ADAMTSL1: variants seen among roughly 807,000 people sequenced by gnomAD.
ADAMTSL1 encodes ADAMTS-like protein 1.
Under a neutral mutation model 201.8 loss-of-function variants are expected in ADAMTSL1, and 126 were observed. The observed-to-expected ratio is 0.62, with a 90% CI of 0.54 to 0.72. The LOEUF (loss-of-function observed/expected upper bound fraction) is 0.72. ADAMTSL1 is among the 30% of genes least tolerant of loss of function. ADAMTSL1 has a pLI of 0.00. For missense variants in ADAMTSL1, 2,679 were observed against 2,277.8 expected (o/e 1.18, Z -3.59); for synonymous variants, 1,121 against 903.4 (o/e 1.24, Z -4.32).
intron 1 of ADAMTSL1, among the ~76,000 whole-genome samples, chr9:17,951,849 A>G (rs1292134176): frequency 6.6e-6 from 1 of 151,932 alleles, no homozygotes; most frequent in Non-Finnish European, 1.5e-5. Context: ...ACAGGGTGTC[A>G]CTCTGTCACT....
intron 2 of ADAMTSL1, among the ~76,000 whole-genome samples, chr9:18,373,909 C>T (rs145940113): frequency 7.0e-4 from 107 of 152,296 alleles, no homozygotes; most frequent in Middle Eastern, 3.4e-3. Flanking sequence ...GTCCCCAGCT[C>T]CCCATAATCT....
At chr9:18,524,392 ACAATT>A (rs1818899761) in intron 2 of ADAMTSL1, among the ~76,000 whole-genome samples, 1 of 152,276 alleles carries the variant, frequency 6.6e-6, no homozygotes, top group Admixed American at 6.5e-5. Context: ...GCAAACAGGG[ACAATT>A]TGACTTCCTC....
chr9:18,029,723 A>C (rs1377858624), intron 1 of ADAMTSL1, among the ~76,000 whole-genome samples: 1 of 152,210 alleles, frequency 6.6e-6, no homozygotes, highest in Non-Finnish European at 1.5e-5. Flanking sequence ...CAACCCCATC[A>C]AAAAGTGGGT....
chr9:18,155,230 C>T (rs1354835763), intron 1 of ADAMTSL1, among the ~76,000 whole-genome samples: 1 of 151,934 alleles, frequency 6.6e-6, no homozygotes, highest in Non-Finnish European at 1.5e-5. Context: ...GTTAGATTGC[C>T]CAGGAAATGA....
intron 1 of ADAMTSL1, among the ~76,000 whole-genome samples, chr9:18,019,338 C>A (rs545828687): frequency 9.2e-5 from 14 of 151,952 alleles, no homozygotes; most frequent in Non-Finnish European, 2.9e-5. Flanking sequence ...CTATAAATAA[C>A]AAATGATACT....
At chr9:18,482,494 A>T (rs1563987121) in intron 1 of ADAMTSL1, among the ~76,000 whole-genome samples, 1 of 152,198 alleles carries the variant, frequency 6.6e-6, no homozygotes, top group African/African-American at 2.4e-5. Flanking sequence ...TCTCTAAGTC[A>T]ATTCAGTTTG....
chr9:18,822,256 A>C (rs1398456008), intron 21 of ADAMTSL1, among the ~76,000 whole-genome samples: 1 of 152,160 alleles, frequency 6.6e-6, no homozygotes, highest in African/African-American at 2.4e-5. Context: ...ACAGCAGGCT[A>C]GAAAAGATCA....
chr9:17,929,678 T>C (rs1042265995), intron 1 of ADAMTSL1, among the ~76,000 whole-genome samples: 2 of 152,168 alleles, frequency 1.3e-5, no homozygotes, highest in Non-Finnish European at 2.9e-5. Flanking sequence ...GAGGTCTCTT[T>C]CCTTTATTTT....
At chr9:18,826,097 C>T in intron 21 of ADAMTSL1, 187 bp from the exon 22 acceptor site, 1 of 656,438 alleles carries the variant, frequency 1.5e-6, no homozygotes, top group Non-Finnish European at 2.7e-6. Flanking sequence ...TCTTTGGTCA[C>T]CCTGAAGTCT....
intron 2 of ADAMTSL1, among the ~76,000 whole-genome samples, chr9:18,279,944 C>T (rs186305086): frequency 3.2e-4 from 49 of 151,768 alleles, no homozygotes; most frequent in Non-Finnish European, 5.9e-4. Flanking sequence ...GGTCCTCAAT[C>T]CACGTGCTTG....
chr9:17,991,397 T>C (rs1588535599), intron 1 of ADAMTSL1, among the ~76,000 whole-genome samples: 2 of 152,154 alleles, frequency 1.3e-5, no homozygotes. Flanking sequence ...GTCTGAAAAG[T>C]ACCTGGTAAA....
chr9:18,865,167 T>TCTAC (rs1827439746), intron 23 of ADAMTSL1, among the ~76,000 whole-genome samples: 1 of 152,098 alleles, frequency 6.6e-6, no homozygotes, highest in African/African-American at 2.4e-5. Flanking sequence ...ATTAGGTATA[T>TCTAC]CTCCTAATGC....
chr9:18,278,784 C>A (rs1283393599), intron 2 of ADAMTSL1, among the ~76,000 whole-genome samples: 2 of 152,156 alleles, frequency 1.3e-5, no homozygotes, highest in African/African-American at 4.8e-5. Context: ...CTGGGAGTCT[C>A]ATGCAAATTT....
intron 19 of ADAMTSL1, among the ~76,000 whole-genome samples, chr9:18,782,108 A>G (rs1821427598): frequency 6.6e-6 from 1 of 152,052 alleles, no homozygotes. Context: ...AAACAATCTC[A>G]TGCCTACTCT....
At chr9:18,097,602 A>G (rs914138619) in intron 1 of ADAMTSL1, among the ~76,000 whole-genome samples, 3 of 152,172 alleles carry the variant, frequency 2.0e-5, no homozygotes, top group African/African-American at 7.2e-5. Flanking sequence ...TCCAATTTTC[A>G]TCAATCTAAT....
chr9:18,016,907 G>A (rs1267312268), intron 1 of ADAMTSL1, among the ~76,000 whole-genome samples: 1 of 151,932 alleles, frequency 6.6e-6, no homozygotes, highest in Non-Finnish European at 1.5e-5. Flanking sequence ...TATTTTTTCT[G>A]TGAATTAAAT....
chr9:18,140,115 G>A (rs1359915126), intron 1 of ADAMTSL1, among the ~76,000 whole-genome samples: 1 of 152,098 alleles, frequency 6.6e-6, no homozygotes. Context: ...GGGATGCAAA[G>A]CTAAGCAAAC....
intron 1 of ADAMTSL1, among the ~76,000 whole-genome samples, chr9:18,031,780 G>A (rs376690459): frequency 3.3e-5 from 5 of 152,160 alleles, no homozygotes; most frequent in East Asian, 1.9e-4. Context: ...TGAGCCAAAG[G>A]TTAGATTGCC....
chr9:18,848,053 GC>G (rs1826244728), intron 23 of ADAMTSL1, among the ~76,000 whole-genome samples: 1 of 152,206 alleles, frequency 6.6e-6, no homozygotes, highest in African/African-American at 2.4e-5. Flanking sequence ...TATCAGGCTG[GC>G]TCTGGTACAA....
Sources: gnomAD v4.1 joint callset for allele counts (sites outside exome capture counted in the v4.1 genomes callset) on GRCh38, gnomAD v4.1.1 for gene constraint, MANE v1.5 for transcripts, NCBI Gene and HGNC (gene_info 2026-07-23, HGNC 2026-07-21) for gene names.